The following TMPRSS11D variants were observed in gnomAD, a reference collection of about 807,000 sequenced individuals.
TMPRSS11D encodes the protein transmembrane serine protease 11D.
In TMPRSS11D, 32 loss-of-function variants were observed where a neutral mutation model predicts 44.4. The ratio of observed to expected loss-of-function variants is 0.72; its 90% confidence interval spans 0.54 to 0.97. The LOEUF (loss-of-function observed/expected upper bound fraction) is 0.97. Among genes scored for constraint, TMPRSS11D ranks in the 50% least tolerant of loss-of-function variants. The probability of loss-of-function intolerance (pLI) is 0.00; values close to 1 mark genes in which losing one functional copy is unlikely to be tolerated. For missense variants in TMPRSS11D, 446 were observed against 502.6 expected (o/e 0.89, Z 1.08); for synonymous variants, 179 against 177.9 (o/e 1.01, Z -0.05).
chr4:67,874,422 C>G (rs374602404), intron 1 of TMPRSS11D, among the ~76,000 whole-genome samples: 136 of 152,250 alleles, frequency 8.9e-4, no homozygotes, highest in African/African-American at 3.2e-3. Flanking sequence ...TCATCGTTAT[C>G]TCTACAAAAT....
At position 67,821,212 on chromosome 4, in the gene TMPRSS11D, G is replaced by C. The variant is rs2109651206; in HGVS notation, c.*1125C>G. 1 of 152,254 alleles carries C rather than the reference G, an allele frequency of 6.6e-6. No individual in the cohort carries two copies. Among genetic ancestry groups the C allele is most frequent in the East Asian group, 1.9e-4 (1 of 5,178 alleles). The allele number at this position is 152,254 out of a possible 1,614,324, so 9.4% of individuals were successfully genotyped here. On this transcript the variant is annotated 3_prime_UTR_variant, in exon 10 of 10. Transcript: ENST00000283916. ...ATTTTCATGCCATTACATTTTAGTG[G>C]ATTTAATTTACATTATATTCTTTGG...
At chr4:67,834,234 CT>C (rs1718017512) in intron 6 of TMPRSS11D, among the ~76,000 whole-genome samples, 1 of 151,752 alleles carries the variant, frequency 6.6e-6, no homozygotes, top group African/African-American at 2.4e-5. Flanking sequence ...AAGTAGTGCC[CT>C]GGTTTAATAG....
chr4:67,881,231 G>C (rs1560552746), intron 1 of TMPRSS11D, among the ~76,000 whole-genome samples: 1 of 152,190 alleles, frequency 6.6e-6, no homozygotes, highest in Non-Finnish European at 1.5e-5. Flanking sequence ...AGGGGTGCCA[G>C]TCATAGCAAT....
rs574511620 is a variant in TMPRSS11D at position 67,832,048 on chromosome 4, A to T, written c.692+1156T>A. Among the ~76,000 whole-genome samples, 4 of 152,244 alleles carry T rather than the reference A, an allele frequency of 2.6e-5. No individual in the cohort carries two copies. In the South Asian group the frequency reaches 8.3e-4, roughly 32 times the overall value. On this transcript the variant is annotated intron_variant, in intron 7 of 9. Transcript: ENST00000283916. Reference sequence around the variant, plus strand: ...AAAATTTCATAAAATTCAAATAGAGATGTGGTAAATATATTAACATTTCAA... The same window carrying T: ...AAAATTTCATAAAATTCAAATAGAGTTGTGGTAAATATATTAACATTTCAA...
At chr4:67,862,808 C>CA (rs1371588281) in intron 1 of TMPRSS11D, among the ~76,000 whole-genome samples, 2 of 151,062 alleles carry the variant, frequency 1.3e-5, no homozygotes, top group Non-Finnish European at 2.9e-5. Context: ...ATCGCAAGGA[C>CA]AAAAAACCAA....
chr4:67,832,045 G>A (rs1717958525), intron 7 of TMPRSS11D, among the ~76,000 whole-genome samples: 1 of 152,094 alleles, frequency 6.6e-6, no homozygotes, highest in South Asian at 2.1e-4. Flanking sequence ...AATTCAAATA[G>A]AGATGTGGTA....
intron 4 of TMPRSS11D, among the ~76,000 whole-genome samples, chr4:67,840,624 G>T (rs1054488396): frequency 1.3e-5 from 2 of 152,212 alleles, no homozygotes; most frequent in South Asian, 2.1e-4. Context: ...AGTCACTATG[G>T]TCAATAATAA....
chr4:67,843,691 A>G (rs1718289372), intron 3 of TMPRSS11D, among the ~76,000 whole-genome samples: 1 of 152,204 alleles, frequency 6.6e-6, no homozygotes, highest in Admixed American at 6.5e-5. Flanking sequence ...TGGGAGGCTG[A>G]GGCAGGTGGA....
chr4:67,875,312 G>A (rs1719159781), intron 1 of TMPRSS11D, among the ~76,000 whole-genome samples: 1 of 152,186 alleles, frequency 6.6e-6, no homozygotes, highest in Non-Finnish European at 1.5e-5. Flanking sequence ...CTGCTCGACA[G>A]GAGGCAAATC....
intron 1 of TMPRSS11D, among the ~76,000 whole-genome samples, 171 bp downstream of exon 1, chr4:67,883,755 T>C (rs1008570880): frequency 6.6e-6 from 1 of 152,092 alleles, no homozygotes; most frequent in Admixed American, 6.6e-5. Flanking sequence ...CTTATGAAAA[T>C]AATATCAAGC....
intron 7 of TMPRSS11D, among the ~76,000 whole-genome samples, chr4:67,828,450 C>A (rs962513105): frequency 2.0e-5 from 3 of 152,120 alleles, no homozygotes; most frequent in African/African-American, 7.2e-5. Flanking sequence ...TCATCCACAT[C>A]AGTTTGCTAG....
chr4:67,864,994 T>G (rs1006193898), intron 1 of TMPRSS11D, among the ~76,000 whole-genome samples: 1 of 151,818 alleles, frequency 6.6e-6, no homozygotes, highest in African/African-American at 2.4e-5. Context: ...AACACTGGAC[T>G]TAAATTGGAC....
At position 67,849,223 on chromosome 4, in the gene TMPRSS11D, T is replaced by A. The variant is rs76703332; in HGVS notation, c.249+4845A>T. 4.2e-3 allele frequency among the ~76,000 whole-genome samples: 636 copies of A among 152,310 alleles called. 2 individuals carry two copies. The highest frequency in any genetic ancestry group is 0.014 in the Middle Eastern group (4 of 294). On this transcript the variant is annotated intron_variant, in intron 3 of 9. Transcript: ENST00000283916. ...TTGCTATTAATAGGGATAGGTATTG[T>A]TGGTGGAAAGCTAGGATGGTGTGGG...
At chr4:67,829,925 G>A (rs547707141) in intron 7 of TMPRSS11D, among the ~76,000 whole-genome samples, 1 of 152,090 alleles carries the variant, frequency 6.6e-6, no homozygotes, top group Admixed American at 6.6e-5. Flanking sequence ...TTAAGTGGCT[G>A]GAAAGTATTC....
intron 4 of TMPRSS11D, among the ~76,000 whole-genome samples, chr4:67,841,128 A>G (rs1462801004): frequency 6.6e-6 from 1 of 152,118 alleles, no homozygotes; most frequent in Non-Finnish European, 1.5e-5. Context: ...TATCCATGTG[A>G]TGGTACCAAG....
intron 3 of TMPRSS11D, among the ~76,000 whole-genome samples, chr4:67,851,408 G>A (rs1476925172): frequency 6.6e-6 from 1 of 152,138 alleles, no homozygotes; most frequent in Admixed American, 6.5e-5. Flanking sequence ...GGCAATGGCT[G>A]AGAGACAGCT....
At chr4:67,868,394 G>A (rs1301364163) in intron 1 of TMPRSS11D, among the ~76,000 whole-genome samples, 1 of 152,086 alleles carries the variant, frequency 6.6e-6, no homozygotes, top group Non-Finnish European at 1.5e-5. Context: ...TCATAACAGT[G>A]CAATACCTCC....
chr4:67,821,336 A>G lies in TMPRSS11D; in HGVS notation c.*1001T>C, dbSNP rs1717631319. On this transcript the variant is annotated 3_prime_UTR_variant, in exon 10 of 10. Coordinates refer to ENST00000283916, the MANE Select transcript of TMPRSS11D (RefSeq NM_004262.3). ...CTGTCTTCAGGATCATTCTATTGATATTAAGCTATTTAAACTTTTCCTTTG... is the reference window on the plus strand; with the variant it reads ...CTGTCTTCAGGATCATTCTATTGATGTTAAGCTATTTAAACTTTTCCTTTG... 6.6e-6 allele frequency: 1 copy of G among 152,124 alleles called. No homozygotes were observed. Among genetic ancestry groups the G allele is most frequent in the Non-Finnish European group, 1.5e-5 (1 of 68,014 alleles). 9.4% of individuals were successfully genotyped at this position (152,124 alleles called of 1,614,324 possible).
chr4:67,823,298 C>A (rs1207405713), intron 9 of TMPRSS11D, among the ~76,000 whole-genome samples: 3 of 152,114 alleles, frequency 2.0e-5, no homozygotes, highest in African/African-American at 7.2e-5. Context: ...ATACTTACCA[C>A]CCAGTCATAA....
Sources: gnomAD v4.1 joint callset for allele counts (sites outside exome capture counted in the v4.1 genomes callset) on GRCh38, gnomAD v4.1.1 for gene constraint, MANE v1.5 for transcripts, NCBI Gene and HGNC (gene_info 2026-07-23, HGNC 2026-07-21) for gene names.